The following ERICH2 variants were observed in gnomAD, a reference collection of about 807,000 sequenced individuals.
The protein encoded by ERICH2 is glutamate-rich protein 2.
Under a neutral mutation model 17.4 loss-of-function variants are expected in ERICH2, and 17 were observed. The ratio of observed to expected loss-of-function variants is 0.98; its 90% CI spans 0.67 to 1.47. The LOEUF (loss-of-function observed/expected upper bound fraction) is 1.47. ERICH2 is among the 40% of genes most tolerant of loss of function. ERICH2 has a pLI of 0.00. For missense variants in ERICH2, 186 were observed against 183.2 expected, an observed-to-expected ratio of 1.01 and a Z score of -0.09; for synonymous variants, 51 against 61.1, an observed-to-expected ratio of 0.83 and a Z score of 0.77.
At chr2:170,774,564 C>CTTCTTTTTTTTT in the ERICH2 span, among the ~76,000 whole-genome samples, 446 of 98,502 alleles carry the variant, frequency 4.5e-3, 18 homozygotes, top group African/African-American at 0.023. Context: ...AGAGCCCCAT[C>CTTCTTTTTTTTT]TTTTTTTTTT....
At chr2:170,798,709 T>G in intron 4 of ERICH2, 61 bp from the exon 10 acceptor site, 1 of 1,539,778 alleles carries the variant, frequency 6.5e-7, no homozygotes, top group East Asian at 2.5e-5. Flanking sequence ...GCAAGGAGAA[T>G]TATTTTTCAG....
chr2:170,789,844 T>C (rs989784974), intron 2 of ERICH2, among the ~76,000 whole-genome samples: 7 of 152,180 alleles, frequency 4.6e-5, no homozygotes, highest in Non-Finnish European at 5.9e-5. Context: ...TTAGGTATGA[T>C]AGTAATATTT....
chr2:170,797,907 G>A, intron 3 of ERICH2, 134 bp from the exon 9 acceptor site: 3 of 618,086 alleles, frequency 4.9e-6, no homozygotes, highest in South Asian at 2.1e-5. Context: ...TATACCTGTG[G>A]TATAATTGTT....
At chr2:170,789,013 G>A in intron 2 of ERICH2, among the ~76,000 whole-genome samples, 1 of 151,582 alleles carries the variant, frequency 6.6e-6, no homozygotes, top group South Asian at 2.1e-4. Context: ...CCAGGCTGGA[G>A]TACAGTGGCA....
intron 4 of ERICH2, among the ~76,000 whole-genome samples, 168 bp from the exon 10 acceptor site, chr2:170,798,602 A>G (rs769114065): frequency 6.6e-5 from 10 of 152,218 alleles, no homozygotes; most frequent in Admixed American, 4.6e-4. Context: ...GTAAAAATAC[A>G]TTTCTTCTTT....
exon 5 of ERICH2, chr2:170,798,837 A>G: frequency 6.4e-7 from 1 of 1,550,708 alleles, no homozygotes; most frequent in Non-Finnish European, 8.7e-7. Context: ...AGAGTAAAGG[A>G]GAAAGCGATG....
the ERICH2 span, among the ~76,000 whole-genome samples, chr2:170,772,860 TA>T: frequency 6.6e-6 from 1 of 152,196 alleles, no homozygotes; most frequent in Non-Finnish European, 1.5e-5. Context: ...AGGTAGCTTA[TA>T]AAAACCAGTA....
At chr2:170,789,199 A>C (rs923207469) in intron 2 of ERICH2, among the ~76,000 whole-genome samples, 1 of 151,392 alleles carries the variant, frequency 6.6e-6, no homozygotes, top group East Asian at 2.0e-4. Flanking sequence ...TCCTGGCCTC[A>C]GGTGATCCGC....
At chr2:170,783,653 T>G, upstream of ERICH2, 1 of 717,138 alleles carries the variant, frequency 1.4e-6, no homozygotes. Flanking sequence ...GAGAGAGGAC[T>G]GCTTTAGATC....
intron 2 of ERICH2, among the ~76,000 whole-genome samples, chr2:170,787,907 G>A (rs1701194134): frequency 2.0e-5 from 3 of 152,152 alleles, no homozygotes; most frequent in Admixed American, 2.0e-4. Flanking sequence ...TCTGAAAACT[G>A]TTGTTTCATA....
the ERICH2 span, among the ~76,000 whole-genome samples, chr2:170,774,636 G>A: frequency 1.4e-5 from 2 of 146,754 alleles, no homozygotes; most frequent in Admixed American, 1.4e-4. Flanking sequence ...CACGCTCTCG[G>A]CTCACTGCAA....
At chr2:170,784,015 T>A in intron 1 of ERICH2, 1 of 1,131,700 alleles carries the variant, frequency 8.8e-7, no homozygotes. Context: ...TGTGTTTTCT[T>A]AACATTGTCT....
At chr2:170,791,036 G>T (rs1305567344) in intron 2 of ERICH2, among the ~76,000 whole-genome samples, 1 of 151,926 alleles carries the variant, frequency 6.6e-6, no homozygotes, top group Non-Finnish European at 1.5e-5. Flanking sequence ...CCAAATTAAT[G>T]TATCAAGAGT....
At chr2:170,782,302 G>A, upstream of ERICH2, 6 of 950,978 alleles carry the variant, frequency 6.3e-6, no homozygotes, top group Non-Finnish European at 7.5e-6. Flanking sequence ...TGAAAATAGA[G>A]TATCTTCAAG....
chr2:170,793,969 G>A (rs1701349744), intron 3 of ERICH2, among the ~76,000 whole-genome samples: 1 of 151,526 alleles, frequency 6.6e-6, no homozygotes, highest in Non-Finnish European at 1.5e-5. Flanking sequence ...TTCTCTTCCT[G>A]GGTCTCCAAT....
upstream of ERICH2, among the ~76,000 whole-genome samples, chr2:170,782,789 T>TA (rs1701059879): frequency 6.6e-6 from 1 of 152,076 alleles, no homozygotes; most frequent in African/African-American, 2.4e-5. Context: ...CTATTAAAAA[T>TA]AAAAAACAGG....
At chr2:170,796,416 C>G in intron 3 of ERICH2, among the ~76,000 whole-genome samples, 1 of 97,962 alleles carries the variant, frequency 1.0e-5, no homozygotes, top group Non-Finnish European at 2.1e-5. Flanking sequence ...GGTTATCTCT[C>G]TCTCTCTCTT....
upstream of ERICH2, chr2:170,782,452 C>A (rs1487053876): frequency 1.2e-6 from 1 of 828,946 alleles, no homozygotes; most frequent in Non-Finnish European, 1.5e-6. Flanking sequence ...TCCTTTTCTG[C>A]GACCTTTGGG....
chr2:170,797,301 G>C (rs573963161), intron 3 of ERICH2, among the ~76,000 whole-genome samples: 126 of 152,334 alleles, frequency 8.3e-4, no homozygotes, highest in African/African-American at 2.8e-3. Flanking sequence ...AGTAAAGGAT[G>C]TCATGTAGAT....
Sources: gnomAD v4.1 joint callset for allele counts (sites outside exome capture counted in the v4.1 genomes callset) on GRCh38, gnomAD v4.1.1 for gene constraint, MANE v1.5 for transcripts, NCBI Gene and HGNC (gene_info 2026-07-23, HGNC 2026-07-21) for gene names.